OPLAH: variants seen among roughly 807,000 people sequenced by gnomAD.
The protein encoded by OPLAH is 5-oxoprolinase.
In OPLAH, 103 loss-of-function variants were observed where a neutral mutation model predicts 122.8. The observed-to-expected ratio is 0.84, with a 90% CI of 0.71 to 0.99. OPLAH has a LOEUF of 0.99. Among genes scored for constraint, OPLAH ranks in the 50% least tolerant of loss-of-function variants. OPLAH has a pLI of 0.00. For synonymous variants in OPLAH, 875 were observed against 796.0 expected (o/e 1.10, Z -1.67); for missense variants, 1,902 against 1,836.5 (o/e 1.04, Z -0.65).
chr8:144,051,603 G>C (rs1027069632), intron 26 of OPLAH, 126 bp downstream of exon 26: 1 of 1,150,760 alleles, frequency 8.7e-7, no homozygotes, highest in Admixed American at 2.3e-5. Context: ...CCCGGTACGC[G>C]CCCCCTTTCC....
At position 144,054,675 on chromosome 8, in the gene OPLAH, C is replaced by G; in HGVS notation, c.2572G>C (p.Asp858His). 2.5e-6 allele frequency: 4 copies of G among 1,612,528 alleles called. No individual in the cohort carries two copies. Among genetic ancestry groups the G allele is most frequent in the Non-Finnish European group, 3.4e-6 (4 of 1,179,808 alleles). Residue 858 changes from aspartate to histidine, a missense_variant, in exon 19 of 27, where the codon GAC becomes CAC. Around this residue, in one of 3 missense-constraint regions of OPLAH, gnomAD observed 1,726 missense variants for 1,642.1 expected, o/e 1.05. Transcript: ENST00000618853. ...FYVASRGHHA[D>H]IGGITPGSMP... ...GAGCCTGGTGTGATGCCCCCGATGT[C>G]TGCGTGGTGCCCTCGGCTGGCCACA... is the stretch of plus-strand genomic sequence containing the variant.
At chr8:144,056,821 C>T (rs1414738999) in intron 12 of OPLAH, 66 bp from the exon 13 acceptor site, 12 of 1,534,792 alleles carry the variant, frequency 7.8e-6, no homozygotes, top group African/African-American at 6.8e-5. Context: ...ACCCAGCGCC[C>T]GGCAAGGACA....
chr8:144,056,989 C>A lies in OPLAH; in HGVS notation c.1665G>T (p.Glu555Asp). The part of the protein sequence containing the change: ...VQLDQRLSRL[E>D]EQCVDALQAQ... The stretch of plus-strand genomic sequence containing the variant: ...CCTGCAGAGCATCCACACACTGCTC[C>A]TCCAGGCGGCTCAGCCTCTGGTCCA... The change falls in exon 12 of 27, where the codon GAG becomes GAT. Residue 555 changes from glutamate (E) to aspartate (D), a missense_variant. By Grantham distance (45) the Glu-to-Asp change is conservative. Transcript: ENST00000618853. 6.3e-7 allele frequency: 1 copy of A among 1,588,200 alleles called. No homozygotes were observed.
chr8:144,051,748 G>C lies in OPLAH; in HGVS notation c.3701C>G (p.Ser1234Trp), dbSNP rs782175303. 1 of 1,605,832 alleles carries C rather than the reference G, an allele frequency of 6.2e-7. No homozygotes were observed. The highest frequency in any genetic ancestry group is 2.2e-5 in the East Asian group (1 of 44,722). Reference protein sequence around the residue: ...GRTVNLGGKTSVTVYPGDVFC... With the variant: ...GRTVNLGGKTWVTVYPGDVFC... ...CCTTACCCCGGGGTACACGGTCACC[G>C]ACGTCTTGCCGCCCAGATTCACCGT... is the stretch of plus-strand genomic sequence containing the variant. Residue 1234 changes from serine to tryptophan, a missense_variant, in exon 26 of 27, where the codon TCG becomes TGG. By Grantham distance (177) the Ser-to-Trp change is radical (BLOSUM62 -3). This residue lies in a region of OPLAH where 1,726 missense variants were observed against 1,642.1 expected (regional missense o/e 1.05). Coordinates refer to ENST00000618853, the MANE Select transcript of OPLAH (RefSeq NM_017570.5).
intron 17 of OPLAH, 36 bp from the exon 18 acceptor site, chr8:144,054,949 G>A (rs1167545941): frequency 7.3e-7 from 1 of 1,368,582 alleles, no homozygotes; most frequent in Non-Finnish European, 9.8e-7. Context: ...TGGGCACAGG[G>A]GAGCAGGGGC....
At chr8:144,051,508 G>A in intron 26 of OPLAH, 36 bp from the exon 27 acceptor site, 1 of 1,445,428 alleles carries the variant, frequency 6.9e-7, no homozygotes, top group South Asian at 1.3e-5. Context: ...GGCGGGCTCA[G>A]TGCAGGCGTG....
At chr8:144,063,330 C>T (rs1420446478), upstream of OPLAH, among the ~76,000 whole-genome samples, 1 of 152,222 alleles carries the variant, frequency 6.6e-6, no homozygotes, top group Admixed American at 6.5e-5. The surrounding 1 kb of genome is among the most constrained non-coding windows in gnomAD (Gnocchi z 4.2). Flanking sequence ...TGCTACTTCT[C>T]ACACCTCCAC....
Position 144,053,332 on chromosome 8 carries a change from C to A in OPLAH, c.2748G>T (p.Leu916=), listed in dbSNP as rs375063706. The A allele has an allele frequency of 9.3e-6, 15 of 1,612,792 alleles. No homozygotes were observed. The highest frequency in any genetic ancestry group is 1.3e-5 in the Non-Finnish European group (15 of 1,179,810). The change falls in exon 20 of 27, where the codon CTG becomes CTT. Residue 916 remains leucine, a synonymous_variant. Coordinates refer to ENST00000618853, the MANE Select transcript of OPLAH (RefSeq NM_017570.5). ...KVPNCSGTRN[L]HDNLSDLRAQ... is the part of the protein sequence containing the mutation. ...CACGGAGGTCCGACAGGTTGTCGTG[C>A]AGGTTTCTGGTTCCGCTGCAGTTGG...
At position 144,058,796 on chromosome 8, in the gene OPLAH, A is replaced by G. The variant is rs2129834897; in HGVS notation, c.564T>C (p.Ala188=). ...GLLSRGIRSL[A]VVLMHSYTWA... ...ACGTGTACGAGTGCATGAGCACCAC[A>G]GCCAGGCTGCGGATGCCTCGAGATA... is the stretch of plus-strand genomic sequence containing the variant. The change falls in exon 5 of 27, where the codon GCT becomes GCC. Residue 188 remains alanine, a synonymous_variant. Transcript: ENST00000618853. 1 of 1,604,596 alleles carries G rather than the reference A, an allele frequency of 6.2e-7. No individual in the cohort carries two copies. Among genetic ancestry groups the G allele is most frequent in the Non-Finnish European group, 8.5e-7 (1 of 1,175,578 alleles).
At position 144,054,916 on chromosome 8, in the gene OPLAH, G is replaced by A. The variant is rs782436390; in HGVS notation, c.2410-3C>T. On this transcript the variant is annotated splice_polypyrimidine_tract_variant and splice_region_variant and intron_variant, in intron 17 of 26. Transcript: ENST00000618853. ...AGATCGGCCCCCAGGTGCTGAATCTGAAACCAGGAGATGGGTGCAGAGTGG... is the reference window on the plus strand; with the variant it reads ...AGATCGGCCCCCAGGTGCTGAATCTAAAACCAGGAGATGGGTGCAGAGTGG... 6.6e-7 allele frequency: 1 copy of A among 1,515,694 alleles called. No homozygotes were observed. Among genetic ancestry groups the A allele is most frequent in the Non-Finnish European group, 8.9e-7 (1 of 1,119,834 alleles). The allele number at this position is 1,515,694 out of a possible 1,614,324, so 93.9% of individuals were successfully genotyped here.
downstream of OPLAH, chr8:144,050,849 T>A: frequency 3.0e-6 from 3 of 991,608 alleles, no homozygotes; most frequent in Non-Finnish European, 3.6e-6. Flanking sequence ...TCCCCCAAGA[T>A]GCCGAGGCGG....
rs1554757781 is a variant in OPLAH, at chr8:144,052,006, C to T, written c.3532G>A (p.Asp1178Asn). 2 of 1,587,798 alleles carry T rather than the reference C, an allele frequency of 1.3e-6. No homozygotes were observed. The highest frequency in any genetic ancestry group is 2.3e-5 in the East Asian group (1 of 43,948). ...AAGAGCAGCTCGCGGGTGACGCCGT[C>T]GCCGCCTCGGAAGCGGCCTCTGCCC... is the stretch of plus-strand genomic sequence containing the variant. Reference protein sequence around the residue: ...SGGRGRFRGGDGVTRELLFRE... With the variant: ...SGGRGRFRGGNGVTRELLFRE... Residue 1178 changes from aspartate to asparagine, a missense_variant, in exon 25 of 27, where the codon GAC becomes AAC. Asp to Asn is a conservative substitution (Grantham distance 23). Coordinates refer to ENST00000618853, the MANE Select transcript of OPLAH (RefSeq NM_017570.5).
intron 26 of OPLAH, 98 bp downstream of exon 26, chr8:144,051,631 A>C (rs1355077371): frequency 2.5e-6 from 3 of 1,185,736 alleles, no homozygotes; most frequent in East Asian, 2.8e-5. Flanking sequence ...GCCAAATTAA[A>C]CTCGGCCTCT....
chr8:144,059,008 T>G lies in OPLAH; in HGVS notation c.435A>C (p.Gly145=). Residue 145 remains glycine, a synonymous_variant, in exon 4 of 27, where the codon GGA becomes GGC. Coordinates refer to ENST00000618853, the MANE Select transcript of OPLAH (RefSeq NM_017570.5). ...TCACAGGCGTCCCGGTGCCCGCCTC[T>G]CCACGGTGCAGCACCACGCGTTCGT... The part of the protein sequence containing the change: ...EVDERVVLHR[G]EAGTGTPVKG... 1 of 1,581,046 alleles carries G rather than the reference T, an allele frequency of 6.3e-7. No homozygotes were observed. Among genetic ancestry groups the G allele is most frequent in the South Asian group, 1.2e-5 (1 of 86,222 alleles).
At chr8:144,054,965 CGGGGTGGGGGG>C in intron 17 of OPLAH, 52 bp from the exon 18 acceptor site, 2 of 242,554 alleles carry the variant, frequency 8.2e-6, no homozygotes, top group Non-Finnish European at 1.1e-5. Context: ...GGGGCCAGAG[CGGGGTGGGGGG>C]GGGGTGGAGG....
rs1375271979 is a variant in OPLAH at position 144,060,087 on chromosome 8, T to C, written c.-53-2A>G. On this transcript the variant is annotated splice_acceptor_variant, in intron 1 of 26. Coordinates refer to ENST00000618853, the MANE Select transcript of OPLAH (RefSeq NM_017570.5). LOFTEE classifies it low-confidence loss of function (5UTR_SPLICE). ...CTTCAGCTGGTAGCCCTGGAAAAAC[T>C]GGACGGAGGCGGGGTCAGCCCGGGC... The C allele has an allele frequency of 1.3e-5, 20 of 1,563,454 alleles. No homozygotes were observed. The highest frequency in any genetic ancestry group is 4.1e-5 in the African/African-American group (3 of 73,496).
At chr8:144,050,774 G>C (rs977208466), downstream of OPLAH, 2 of 986,518 alleles carry the variant, frequency 2.0e-6, no homozygotes, top group African/African-American at 3.5e-5. Flanking sequence ...GGCTGATGCC[G>C]CCCTCCCCCG....
At chr8:144,059,425 C>T (rs1362555317) in intron 3 of OPLAH, among the ~76,000 whole-genome samples, 174 bp downstream of exon 3, 1 of 152,220 alleles carries the variant, frequency 6.6e-6, no homozygotes, top group East Asian at 1.9e-4. Flanking sequence ...GCATCCTGTG[C>T]CCACTCCGAG....
chr8:144,052,823 C>G lies in OPLAH; in HGVS notation c.3096G>C (p.Leu1032=). The G allele has an allele frequency of 2.6e-6, 4 of 1,559,758 alleles. No homozygotes were observed. The highest frequency in any genetic ancestry group is 3.5e-6 in the Non-Finnish European group (4 of 1,152,842). ...GNLNAPRAVT[L]SALIYCLRCL... ...AGCGCAGGCAGTAGATGAGGGCGGACAGGGTTACGGCCCGCGGTGCGTTGA... is the reference window on the plus strand; with the variant it reads ...AGCGCAGGCAGTAGATGAGGGCGGAGAGGGTTACGGCCCGCGGTGCGTTGA... The change falls in exon 22 of 27, where the codon CTG becomes CTC. Residue 1032 remains leucine (L), a synonymous_variant. Transcript: ENST00000618853.
Sources: gnomAD v4.1 joint callset for allele counts (sites outside exome capture counted in the v4.1 genomes callset) on GRCh38, gnomAD v4.1.1 for gene constraint, gnomAD v4.1.1 regional missense constraint, Gnocchi (gnomAD v3.1) non-coding constraint, MANE v1.5 for transcripts, NCBI Gene and HGNC (gene_info 2026-07-23, HGNC 2026-07-21) for gene names.